CDC42BPB: variants seen among roughly 807,000 people sequenced by gnomAD.
CDC42BPB encodes the protein serine/threonine-protein kinase MRCK beta.
In CDC42BPB, 37 loss-of-function variants were observed where a neutral mutation model predicts 214.9. The observed-to-expected ratio is 0.17, with a 90% confidence interval of 0.13 to 0.23. The LOEUF (loss-of-function observed/expected upper bound fraction) is 0.23. Ranked by LOEUF, CDC42BPB falls within the 10% of genes least tolerant of loss-of-function variation. The probability of loss-of-function intolerance (pLI) is 1.00; values close to 1 mark genes in which losing one functional copy is unlikely to be tolerated. For missense variants in CDC42BPB, 1,694 were observed against 2,227.0 expected (o/e 0.76, Z 4.82); for synonymous variants, 931 against 884.0 (o/e 1.05, Z -0.94).
chr14:103,047,003 G>C (rs1888326443), intron 1 of CDC42BPB, among the ~76,000 whole-genome samples: 1 of 151,060 alleles, frequency 6.6e-6, no homozygotes, highest in Non-Finnish European at 1.5e-5. Flanking sequence ...AAGTGTTCTT[G>C]GCTGGGCGCG....
intron 1 of CDC42BPB, among the ~76,000 whole-genome samples, chr14:103,024,387 G>A (rs181742139): frequency 1.8e-4 from 27 of 152,296 alleles, no homozygotes; most frequent in African/African-American, 6.3e-4. Context: ...ACAAAGTACA[G>A]TGATTAAACG....
chr14:102,954,547 C>G, intron 22 of CDC42BPB, 55 bp downstream of exon 22: 2 of 1,527,296 alleles, frequency 1.3e-6, no homozygotes, highest in Non-Finnish European at 1.8e-6. Flanking sequence ...ATCTGGTCAC[C>G]TGGACACGAG....
intron 1 of CDC42BPB, among the ~76,000 whole-genome samples, chr14:103,042,490 T>G (rs996702586): frequency 6.6e-6 from 1 of 152,130 alleles, no homozygotes; most frequent in African/African-American, 2.4e-5. Flanking sequence ...TTTTGTATTT[T>G]TAGTAGAGAT....
intron 21 of CDC42BPB, 113 bp downstream of exon 21, chr14:102,959,518 G>A (rs917511096): frequency 1.4e-6 from 1 of 712,238 alleles, no homozygotes; most frequent in African/African-American, 1.8e-5. Context: ...GATAAACACT[G>A]AATGTATATT....
chr14:102,959,101 A>T (rs1229429312), intron 21 of CDC42BPB, among the ~76,000 whole-genome samples: 1 of 152,000 alleles, frequency 6.6e-6, no homozygotes, highest in Non-Finnish European at 1.5e-5. Flanking sequence ...GTTCGAGACC[A>T]GCCTCGCCAA....
intron 1 of CDC42BPB, among the ~76,000 whole-genome samples, chr14:103,020,294 G>A (rs1378087051): frequency 6.6e-6 from 1 of 152,206 alleles, no homozygotes; most frequent in Non-Finnish European, 1.5e-5. Context: ...AGGACACAAG[G>A]GACAGACGTC....
chr14:102,954,792 CA>C, intron 21 of CDC42BPB, 104 bp from the exon 22 acceptor site: 1 of 1,486,868 alleles, frequency 6.7e-7, no homozygotes, highest in South Asian at 1.3e-5. Context: ...CTGTCTAGCC[CA>C]GAAGTCCCAG....
intron 11 of CDC42BPB, among the ~76,000 whole-genome samples, chr14:102,975,482 C>T (rs974252682): frequency 2.0e-5 from 3 of 152,168 alleles, no homozygotes; most frequent in Non-Finnish European, 4.4e-5. Context: ...GAGATCGCAC[C>T]ACTGCACTCC....
chr14:102,969,125 G>C (rs1893357033), intron 14 of CDC42BPB, among the ~76,000 whole-genome samples: 1 of 152,214 alleles, frequency 6.6e-6, no homozygotes, highest in African/African-American at 2.4e-5. Context: ...CCAGGTTGTA[G>C]GGAGTGGAGG....
At chr14:103,017,657 C>T (rs1886542806) in intron 1 of CDC42BPB, among the ~76,000 whole-genome samples, 1 of 152,134 alleles carries the variant, frequency 6.6e-6, no homozygotes. Context: ...CAAACCTAAA[C>T]TGAAGAACAG....
intron 1 of CDC42BPB, among the ~76,000 whole-genome samples, chr14:103,039,556 C>T (rs770479413): frequency 2.6e-5 from 4 of 152,078 alleles, no homozygotes; most frequent in Non-Finnish European, 5.9e-5. Context: ...AGAAAAATCA[C>T]GACAAAATCC....
At chr14:103,009,483 C>T (rs1011303269) in intron 2 of CDC42BPB, among the ~76,000 whole-genome samples, 3 of 152,176 alleles carry the variant, frequency 2.0e-5, no homozygotes, top group African/African-American at 7.2e-5. Flanking sequence ...GAAGCAAAGG[C>T]CGCATGGAAA....
intron 17 of CDC42BPB, 64 bp downstream of exon 17, chr14:102,966,982 G>A (rs911995324): frequency 5.1e-5 from 80 of 1,562,964 alleles, no homozygotes; most frequent in Non-Finnish European, 5.9e-5. Context: ...CAGAAGAGGC[G>A]GGGCAGACCC....
intron 9 of CDC42BPB, 90 bp from the exon 10 acceptor site, chr14:102,976,139 T>G: frequency 6.5e-7 from 1 of 1,537,474 alleles, no homozygotes; most frequent in Non-Finnish European, 8.7e-7. Context: ...AAAGATAGTC[T>G]TTTTAAATCA....
intron 20 of CDC42BPB, among the ~76,000 whole-genome samples, chr14:102,961,323 T>C (rs995298210): frequency 2.0e-5 from 3 of 152,058 alleles, no homozygotes; most frequent in Non-Finnish European, 4.4e-5. Flanking sequence ...ACAAAAAATT[T>C]TGAAAACCAC....
At chr14:103,016,748 T>G (rs567259852) in intron 1 of CDC42BPB, among the ~76,000 whole-genome samples, 1 of 152,140 alleles carries the variant, frequency 6.6e-6, no homozygotes. Flanking sequence ...AGCTTCAATA[T>G]AGACAGACAG....
chr14:102,935,764 CAA>C (rs55833197), intron 36 of CDC42BPB, among the ~76,000 whole-genome samples: 824 of 74,540 alleles, frequency 0.011, 5 homozygotes, highest in African/African-American at 0.027. Flanking sequence ...CACTCTGTCT[CAA>C]AAAAAAAAAA....
At chr14:102,998,188 G>A (rs376243521) in intron 5 of CDC42BPB, among the ~76,000 whole-genome samples, 6 of 152,290 alleles carry the variant, frequency 3.9e-5, no homozygotes, top group African/African-American at 1.4e-4. Context: ...CAGTTTGGAA[G>A]TATATGTGAG....
intron 26 of CDC42BPB, 37 bp from the exon 27 acceptor site, chr14:102,947,839 C>T (rs777115495): frequency 1.6e-5 from 25 of 1,610,192 alleles, no homozygotes; most frequent in South Asian, 9.9e-5. Context: ...CTGGGAGACA[C>T]GCGCACAGGA....
Sources: allele counts gnomAD v4.1 joint callset (sites outside exome capture counted in the v4.1 genomes callset), GRCh38; gene constraint gnomAD v4.1.1; transcripts MANE v1.5; gene names NCBI Gene and HGNC (gene_info 2026-07-23, HGNC 2026-07-21).